EXT1: variants seen among roughly 807,000 people sequenced by gnomAD.
EXT1 encodes exostosin-1.
EXT1 carries 20 observed loss-of-function variants against 82.5 expected under a neutral mutation model. That is an observed-to-expected ratio of 0.24 (90% CI 0.17 to 0.35). The LOEUF (loss-of-function observed/expected upper bound fraction) is 0.35, where lower values mean the gene tolerates loss of function less well. EXT1 is among the 10% of genes least tolerant of loss of function. EXT1 has a pLI of 1.00. For synonymous variants in EXT1, 348 were observed against 350.8 expected, an observed-to-expected ratio of 0.99 and a Z score of 0.09; for missense variants, 757 against 936.5, an observed-to-expected ratio of 0.81 and a Z score of 2.50.
intron 8 of EXT1, among the ~76,000 whole-genome samples, chr8:117,810,015 A>G (rs1208839986): frequency 6.6e-6 from 1 of 152,218 alleles, no homozygotes; most frequent in Non-Finnish European, 1.5e-5. Context: ...AAAGGAACTC[A>G]AAAGTAAATT....
intron 1 of EXT1, among the ~76,000 whole-genome samples, chr8:117,860,842 T>C (rs1451416369): frequency 6.6e-6 from 1 of 152,222 alleles, no homozygotes; most frequent in African/African-American, 2.4e-5. Context: ...ACCTGGCCCC[T>C]GTAGGCATCT....
chr8:117,842,928 A>C (rs1563577220), intron 1 of EXT1, among the ~76,000 whole-genome samples: 2 of 152,208 alleles, frequency 1.3e-5, no homozygotes, highest in Admixed American at 6.5e-5. Context: ...CAAGTGATCC[A>C]GCCTCTCATC....
At chr8:118,106,462 T>C (rs1817804546) in intron 1 of EXT1, among the ~76,000 whole-genome samples, 1 of 152,224 alleles carries the variant, frequency 6.6e-6, no homozygotes, top group Admixed American at 6.5e-5. Context: ...GGAAGCTGAA[T>C]GATCACTTAC....
At chr8:117,884,189 T>C (rs562383832) in intron 1 of EXT1, among the ~76,000 whole-genome samples, 1 of 152,334 alleles carries the variant, frequency 6.6e-6, no homozygotes, top group East Asian at 1.9e-4. Flanking sequence ...CTAAATATTA[T>C]CATACCTTCC....
intron 1 of EXT1, among the ~76,000 whole-genome samples, chr8:117,918,167 T>C (rs1170552447): frequency 1.3e-5 from 2 of 152,224 alleles, no homozygotes; most frequent in Non-Finnish European, 2.9e-5. Flanking sequence ...GTGAAGTTGG[T>C]ATTTCCTATT....
intron 1 of EXT1, among the ~76,000 whole-genome samples, chr8:117,900,104 C>T (rs1048898258): frequency 1.3e-5 from 2 of 152,102 alleles, no homozygotes; most frequent in African/African-American, 4.8e-5. Context: ...GAAAACAGTT[C>T]GCTTCCACAC....
At chr8:118,085,699 T>A (rs1438424259) in intron 1 of EXT1, among the ~76,000 whole-genome samples, 1 of 151,962 alleles carries the variant, frequency 6.6e-6, no homozygotes, top group Non-Finnish European at 1.5e-5. Flanking sequence ...ATCTATCCTA[T>A]GTTACTCGTG....
chr8:117,893,681 C>T (rs779335537), intron 1 of EXT1, among the ~76,000 whole-genome samples: 3 of 152,200 alleles, frequency 2.0e-5, no homozygotes, highest in Admixed American at 6.5e-5. Context: ...GGACTAACCA[C>T]GCTTTGAGCA....
intron 1 of EXT1, among the ~76,000 whole-genome samples, chr8:118,065,556 T>G (rs1244665011): frequency 1.3e-5 from 2 of 152,236 alleles, no homozygotes; most frequent in African/African-American, 4.8e-5. Flanking sequence ...TTAAAAGTTT[T>G]AATTCAGAGG....
chr8:117,833,451 C>A (rs1812134829), intron 3 of EXT1, among the ~76,000 whole-genome samples: 1 of 152,122 alleles, frequency 6.6e-6, no homozygotes, highest in South Asian at 2.1e-4. Context: ...ACCATCTCTA[C>A]TAAAAATACA....
chr8:117,853,438 G>A (rs546443331), intron 1 of EXT1, among the ~76,000 whole-genome samples: 9 of 152,232 alleles, frequency 5.9e-5, no homozygotes, highest in African/African-American at 1.7e-4. Context: ...CCAGCTACTC[G>A]GAAGGCTGAG....
intron 1 of EXT1, among the ~76,000 whole-genome samples, chr8:117,903,719 C>G (rs1813491608): frequency 6.6e-6 from 1 of 152,154 alleles, no homozygotes; most frequent in Admixed American, 6.5e-5. Flanking sequence ...CAGTCTTTAT[C>G]AAAATATCAA....
At chr8:117,931,854 C>A (rs1814067084) in intron 1 of EXT1, among the ~76,000 whole-genome samples, 1 of 152,108 alleles carries the variant, frequency 6.6e-6, no homozygotes, top group South Asian at 2.1e-4. Flanking sequence ...GCATTCACTC[C>A]CTCTGGGTCC....
In EXT1 at chr8:117,896,561, G is replaced by A. The variant is rs572731046; in HGVS notation, c.963-59360C>T. On this transcript the variant is annotated intron_variant, in intron 1 of 10. Coordinates refer to ENST00000378204, the MANE Select transcript of EXT1 (RefSeq NM_000127.3). The stretch of plus-strand genomic sequence containing the variant: ...TTTTCACTCCTCTGCCAACTCTCAC[G>A]GCTTACATTACCGAGCCATCATCCA... Among the ~76,000 whole-genome samples the A allele has an allele frequency of 2.0e-4, 30 of 152,218 alleles. 1 individual carries two copies. In the South Asian group the frequency reaches 5.4e-3, roughly 27 times the overall value.
intron 1 of EXT1, among the ~76,000 whole-genome samples, chr8:117,925,720 A>AG (rs1813940965): frequency 6.7e-6 from 1 of 149,286 alleles, no homozygotes; most frequent in South Asian, 2.1e-4. Context: ...AAAAAAAAAA[A>AG]AAAGAAAGAA....
intron 1 of EXT1, among the ~76,000 whole-genome samples, chr8:118,034,712 C>T (rs1387028935): frequency 6.6e-6 from 1 of 152,226 alleles, no homozygotes; most frequent in Non-Finnish European, 1.5e-5. Flanking sequence ...GTCTAGGCTG[C>T]TGTGACATTC....
At chr8:117,830,990 CA>C (rs959383995) in intron 3 of EXT1, among the ~76,000 whole-genome samples, 1 of 152,144 alleles carries the variant, frequency 6.6e-6, no homozygotes, top group Non-Finnish European at 1.5e-5. Context: ...CCAGGGTATA[CA>C]ATTTTAAAGG....
rs908702874 is a variant in EXT1 at position 118,110,118 on chromosome 8, G to A, written c.929C>T (p.Ser310Phe). The change falls in exon 1 of 11, where the codon TCT becomes TTT. Residue 310 changes from serine (S) to phenylalanine (F), a missense_variant. By Grantham distance (155) the Ser-to-Phe change is radical. Transcript: ENST00000378204. The part of the protein sequence containing the change: ...HGKDWQKHKD[S>F]RCDRDNTEYE... ...CTCGGTGTTGTCTCTGTCACAGCGA[G>A]AATCCTTGTGCTTTTGCCAGTCTTT... 6.2e-7 allele frequency: 1 copy of A among 1,614,042 alleles called. No individual in the cohort carries two copies. Among genetic ancestry groups the A allele is most frequent in the African/African-American group, 1.3e-5 (1 of 74,910 alleles).
At chr8:117,803,318 C>A (rs2129689479) in intron 10 of EXT1, among the ~76,000 whole-genome samples, 1 of 152,066 alleles carries the variant, frequency 6.6e-6, no homozygotes, top group South Asian at 2.1e-4. Flanking sequence ...CCTCAGCCAC[C>A]CGAGTAAGCT....
Sources: gnomAD v4.1 joint callset for allele counts (sites outside exome capture counted in the v4.1 genomes callset) on GRCh38, gnomAD v4.1.1 for gene constraint, MANE v1.5 for transcripts, NCBI Gene and HGNC (gene_info 2026-07-23, HGNC 2026-07-21) for gene names.